TOMM5: variants seen among roughly 807,000 people sequenced by gnomAD.
TOMM5 encodes translocase of outer mitochondrial membrane 5, also known as mitochondrial import receptor subunit TOM5 homolog.
TOMM5 carries 1 observed loss-of-function variant against 4.8 expected under a neutral mutation model. The observed-to-expected ratio is 0.21, with a 90% CI of 0.07 to 0.99. TOMM5 has a LOEUF of 0.99. Ranked by LOEUF, TOMM5 falls within the 50% of genes least tolerant of loss-of-function variation. TOMM5 has a pLI of 0.60. For synonymous variants in TOMM5, 26 were observed against 26.7 expected (o/e 0.97, Z 0.08); for missense variants, 60 against 66.6 (o/e 0.90, Z 0.35).
chr9:37,590,691 G>A (rs1823086209), intron 1 of TOMM5, among the ~76,000 whole-genome samples: 3 of 152,194 alleles, frequency 2.0e-5, no homozygotes, highest in South Asian at 2.1e-4. Flanking sequence ...CTGAGAAGCA[G>A]CAAATATTTC....
At position 37,588,428 on chromosome 9, in the gene TOMM5, T is replaced by A. The variant is rs1048949893; in HGVS notation, c.*470A>T. 1 of 198,050 alleles carries A rather than the reference T, an allele frequency of 5.0e-6. No homozygotes were observed. The highest frequency in any genetic ancestry group is 1.0e-5 in the Non-Finnish European group (1 of 96,006). 12.3% of individuals were successfully genotyped at this position (198,050 alleles called of 1,614,324 possible). A position where few individuals can be genotyped will look rare whatever the true frequency, so the allele number is the denominator to read the frequency against. On this transcript the variant is annotated 3_prime_UTR_variant, in exon 2 of 2. Transcript: ENST00000321301. ...GAAACCCAACTTTTCTTAATTGATA[T>A]GTTTATTAAAAACATAGACTAATAA...
At chr9:37,590,218 C>A (rs1823079510) in intron 1 of TOMM5, among the ~76,000 whole-genome samples, 1 of 152,040 alleles carries the variant, frequency 6.6e-6, no homozygotes. Context: ...CATAATGAAA[C>A]CTCGTGTCTA....
rs1823126232 is a variant in TOMM5 at position 37,592,547 on chromosome 9, A to G, written c.-15T>C. ...ATCCGGAACATCGCGGCTCTGACTTAGCAGCTTCCAGCCGCCGCGCTCTGC... is the reference window on the plus strand; with the variant it reads ...ATCCGGAACATCGCGGCTCTGACTTGGCAGCTTCCAGCCGCCGCGCTCTGC... On this transcript the variant is annotated 5_prime_UTR_variant, in exon 1 of 2. Transcript: ENST00000321301. 6.2e-7 allele frequency: 1 copy of G among 1,607,512 alleles called. No individual in the cohort carries two copies. The highest frequency in any genetic ancestry group is 8.5e-7 in the Non-Finnish European group (1 of 1,176,172).
intron 1 of TOMM5, among the ~76,000 whole-genome samples, chr9:37,591,434 T>C (rs1181218811): frequency 1.3e-5 from 2 of 152,162 alleles, no homozygotes; most frequent in South Asian, 2.1e-4. Context: ...TTCACGCCTG[T>C]AATCCCAGCA....
intron 1 of TOMM5, 101 bp from the exon 2 acceptor site, chr9:37,589,033 C>G (rs1252528390): frequency 9.6e-7 from 1 of 1,045,124 alleles, no homozygotes; most frequent in African/African-American, 1.6e-5. Context: ...GAAAATAACT[C>G]CAAGTGATGG....
At chr9:37,589,684 G>T (rs1469001653) in intron 1 of TOMM5, among the ~76,000 whole-genome samples, 1 of 151,934 alleles carries the variant, frequency 6.6e-6, no homozygotes, top group Admixed American at 6.6e-5. Context: ...ACTATGCCTG[G>T]CTAATTTTTG....
chr9:37,589,367 A>G (rs1823065373), intron 1 of TOMM5, among the ~76,000 whole-genome samples: 1 of 152,238 alleles, frequency 6.6e-6, no homozygotes, highest in African/African-American at 2.4e-5. Flanking sequence ...CTGGACACCT[A>G]TTTTGGGTCT....
In TOMM5 at chr9:37,592,498, T is replaced by G; in HGVS notation, c.35A>C (p.Asp12Ala). The G allele has an allele frequency of 6.2e-7, 1 of 1,613,840 alleles. No individual in the cohort carries two copies. ...CATCTTCCGTTTCATCTCCTCCGGG[T>G]CCAGCTTCGGCGCGAGGCCCTCAAT... is the stretch of plus-strand genomic sequence containing the variant. ...FRIEGLAPKL[D>A]PEEMKRKMRE... The change falls in exon 1 of 2, where the codon GAC (aspartate) becomes GCC (alanine). Residue 12 changes from aspartate to alanine, a missense_variant. By Grantham distance (126) the Asp-to-Ala change is moderately radical. Transcript: ENST00000321301.
At position 37,588,438 on chromosome 9, in the gene TOMM5, A is replaced by C; in HGVS notation, c.*460T>G. 4.9e-6 allele frequency: 1 copy of C among 204,482 alleles called. No individual in the cohort carries two copies. The highest frequency in any genetic ancestry group is 1.3e-4 in the East Asian group (1 of 7,644). 12.7% of individuals were successfully genotyped at this position (204,482 alleles called of 1,614,324 possible). A position where few individuals can be genotyped will look rare whatever the true frequency, so the allele number is the denominator to read the frequency against. On this transcript the variant is annotated 3_prime_UTR_variant, in exon 2 of 2. Coordinates refer to ENST00000321301, the MANE Select transcript of TOMM5 (RefSeq NM_001001790.3). Reference sequence around the variant, plus strand: ...TTTTCTTAATTGATATGTTTATTAAAAACATAGACTAATAATGATCCTGTG... The same window carrying C: ...TTTTCTTAATTGATATGTTTATTAACAACATAGACTAATAATGATCCTGTG...
chr9:37,592,239 C>A (rs931715359), intron 1 of TOMM5, 173 bp downstream of exon 1: 21 of 1,541,636 alleles, frequency 1.4e-5, no homozygotes, highest in Non-Finnish European at 1.8e-5. Flanking sequence ...GTGCCCGGAC[C>A]CTGACCCGCA....
chr9:37,591,096 A>G (rs1823092753), intron 1 of TOMM5, among the ~76,000 whole-genome samples: 1 of 152,220 alleles, frequency 6.6e-6, no homozygotes, highest in South Asian at 2.1e-4. Flanking sequence ...CAGTGTTCCT[A>G]TAACTCTGAT....
chr9:37,589,604 T>A (rs546230767), intron 1 of TOMM5, among the ~76,000 whole-genome samples: 2 of 152,326 alleles, frequency 1.3e-5, no homozygotes, highest in African/African-American at 2.4e-5. Flanking sequence ...ACTAATAGAA[T>A]TTTGTTAACA....
intron 1 of TOMM5, among the ~76,000 whole-genome samples, chr9:37,591,501 G>A (rs1823100573): frequency 1.3e-5 from 2 of 151,962 alleles, no homozygotes; most frequent in Non-Finnish European, 2.9e-5. Flanking sequence ...GACCGGCCTG[G>A]CCAACATGGT....
At chr9:37,590,906 A>G (rs1823089900) in intron 1 of TOMM5, among the ~76,000 whole-genome samples, 1 of 152,214 alleles carries the variant, frequency 6.6e-6, no homozygotes, top group Non-Finnish European at 1.5e-5. Flanking sequence ...TAAGCCCAAC[A>G]TGAGCCTTCA....
rs1481571525 is a variant in TOMM5 at position 37,588,872 on chromosome 9, G to A, written c.*26C>T. On this transcript the variant is annotated 3_prime_UTR_variant, in exon 2 of 2. Coordinates refer to ENST00000321301, the MANE Select transcript of TOMM5 (RefSeq NM_001001790.3). ...AAACTGTAACCAGGCTCTTCATATCGTGCATTCATATGTGATGTCCTGTCT... is the reference window on the plus strand; with the variant it reads ...AAACTGTAACCAGGCTCTTCATATCATGCATTCATATGTGATGTCCTGTCT... 2.5e-6 allele frequency: 4 copies of A among 1,611,838 alleles called. No homozygotes were observed. The highest frequency in any genetic ancestry group is 2.2e-5 in the South Asian group (2 of 91,048).
At chr9:37,590,894 C>T (rs1038980639) in intron 1 of TOMM5, among the ~76,000 whole-genome samples, 5 of 152,192 alleles carry the variant, frequency 3.3e-5, no homozygotes, top group African/African-American at 1.2e-4. Context: ...TGAGCTCTGG[C>T]CTAAGCCCAA....
Position 37,592,453 on chromosome 9 carries a change from G to T in TOMM5, c.80C>A (p.Ser27Tyr). The change falls in exon 1 of 2, where the codon TCC (serine) becomes TAC (tyrosine). Residue 27 changes from serine to tyrosine, a missense_variant. Coordinates refer to ENST00000321301, the MANE Select transcript of TOMM5 (RefSeq NM_001001790.3). ...CACGTAGATGAGAAAGTTCCGTATG[G>T]AGGAGATCACATCCTCGCGCATCTT... ...KRKMREDVIS[S>Y]IRNFLIYVAL... 6.2e-7 allele frequency: 1 copy of T among 1,614,172 alleles called. No homozygotes were observed. The highest frequency in any genetic ancestry group is 8.5e-7 in the Non-Finnish European group (1 of 1,180,018).
intron 1 of TOMM5, 48 bp from the exon 2 acceptor site, chr9:37,588,980 T>G: frequency 6.9e-7 from 1 of 1,453,418 alleles, no homozygotes; most frequent in Non-Finnish European, 9.6e-7. Context: ...TATTAGCCCA[T>G]AGGCTACATT....
rs776030463 is a variant in TOMM5, at chr9:37,588,788, T to C, written c.*110A>G. ...CTTGTTCTTAACAAGCAGAATTTTA[T>C]GTCCATTCAAAGAGTCTCTTACACC... is the stretch of plus-strand genomic sequence containing the variant. On this transcript the variant is annotated 3_prime_UTR_variant, in exon 2 of 2. Transcript: ENST00000321301. 9.2e-7 allele frequency: 1 copy of C among 1,082,172 alleles called. No individual in the cohort carries two copies. The highest frequency in any genetic ancestry group is 1.3e-5 in the South Asian group (1 of 79,602). 67.0% of individuals were successfully genotyped at this position (1,082,172 alleles called of 1,614,324 possible).
Sources: gnomAD v4.1 joint callset for allele counts (sites outside exome capture counted in the v4.1 genomes callset) on GRCh38, gnomAD v4.1.1 for gene constraint, MANE v1.5 for transcripts, NCBI Gene and HGNC (gene_info 2026-07-23, HGNC 2026-07-21) for gene names.